The following SYNDIG1L variants were observed in gnomAD, a reference collection of about 807,000 sequenced individuals.
SYNDIG1L encodes the protein synapse differentiation inducing 1 like.
Under a neutral mutation model 20.1 loss-of-function variants are expected in SYNDIG1L, and 13 were observed. The ratio of observed to expected loss-of-function variants is 0.65; its 90% confidence interval spans 0.42 to 1.03. The LOEUF (loss-of-function observed/expected upper bound fraction) is 1.03. SYNDIG1L is among the 50% of genes least tolerant of loss of function. The pLI is 0.00. For missense variants in SYNDIG1L, 294 were observed against 305.1 expected (o/e 0.96, Z 0.27); for synonymous variants, 128 against 129.3 (o/e 0.99, Z 0.07).
At position 74,406,130 on chromosome 14, in the gene SYNDIG1L, A is replaced by G; in HGVS notation, c.*1405T>C. 2.5e-6 allele frequency: 1 copy of G among 398,890 alleles called. No homozygotes were observed. Among genetic ancestry groups the G allele is most frequent in the Admixed American group, 4.4e-5 (1 of 22,726 alleles). The allele number at this position is 398,890 out of a possible 1,614,324, so 24.7% of individuals were successfully genotyped here. A position where few individuals can be genotyped will look rare whatever the true frequency, so the allele number is the denominator to read the frequency against. On this transcript the variant is annotated 3_prime_UTR_variant, in exon 4 of 4. Coordinates refer to ENST00000331628, the MANE Select transcript of SYNDIG1L (RefSeq NM_001105579.2). ...AGCTTGAGTCCAGACAGGCCTGCCC[A>G]CATTGGTGCTGCCCCCCGCCTACCT...
At chr14:74,431,911 C>T in the SYNDIG1L span, among the ~76,000 whole-genome samples, 23 of 152,088 alleles carry the variant, frequency 1.5e-4, no homozygotes, top group Admixed American at 1.5e-3. Flanking sequence ...TAATTTTTCT[C>T]ATGTTCCTTT....
the SYNDIG1L span, among the ~76,000 whole-genome samples, chr14:74,466,038 C>T: frequency 3.3e-5 from 5 of 152,204 alleles, no homozygotes; most frequent in Admixed American, 6.5e-5. Flanking sequence ...ATCAGAGAAG[C>T]GCAGCCTGAC....
chr14:74,473,909 C>T, the SYNDIG1L span: 35,189 of 151,992 alleles, frequency 0.23, 4,564 homozygotes, highest in African/African-American at 0.35. Flanking sequence ...TCCTGTTTTG[C>T]AGTCAAAGAA....
At chr14:74,467,751 G>C in the SYNDIG1L span, among the ~76,000 whole-genome samples, 33 of 152,316 alleles carry the variant, frequency 2.2e-4, no homozygotes, top group Admixed American at 2.1e-3. Flanking sequence ...GGGGCTGATG[G>C]GGGGTGTGAC....
At chr14:74,440,659 TGGGGGACACAGCGA>T in the SYNDIG1L span, among the ~76,000 whole-genome samples, 15 of 151,818 alleles carry the variant, frequency 9.9e-5, no homozygotes, top group African/African-American at 3.6e-4. Context: ...AACTCCAGCC[TGGGGGACACAGCGA>T]GACTCTGTCT....
chr14:74,440,181 C>G, the SYNDIG1L span, among the ~76,000 whole-genome samples: 5 of 151,606 alleles, frequency 3.3e-5, no homozygotes, highest in Non-Finnish European at 7.4e-5. Context: ...AGATTGAGAC[C>G]ATCCTGGCTA....
the SYNDIG1L span, among the ~76,000 whole-genome samples, chr14:74,461,138 A>G: frequency 3.5e-5 from 5 of 141,304 alleles, 1 homozygote; most frequent in South Asian, 1.1e-3. Flanking sequence ...CTACACAGTC[A>G]GGTTTCTCCA....
chr14:74,428,207 C>T (rs551209883), upstream of SYNDIG1L, among the ~76,000 whole-genome samples: 6 of 152,358 alleles, frequency 3.9e-5, no homozygotes, highest in South Asian at 1.0e-3. Flanking sequence ...AATTCAATAG[C>T]TCTGAAGAAA....
At chr14:74,413,581 C>CTT (rs2086150075) in intron 1 of SYNDIG1L, among the ~76,000 whole-genome samples, 1 of 41,512 alleles carries the variant, frequency 2.4e-5, no homozygotes, top group Admixed American at 2.0e-4. Flanking sequence ...CTTTTTTATA[C>CTT]TGTTTTTTCT....
At chr14:74,423,643 C>T (rs1279292391) in intron 1 of SYNDIG1L, among the ~76,000 whole-genome samples, 1 of 152,150 alleles carries the variant, frequency 6.6e-6, no homozygotes, top group Non-Finnish European at 1.5e-5. Flanking sequence ...GGACCTGCCA[C>T]AGTTGAGGGA....
intron 1 of SYNDIG1L, among the ~76,000 whole-genome samples, chr14:74,415,746 T>C (rs892309608): frequency 6.6e-6 from 1 of 151,920 alleles, no homozygotes; most frequent in Non-Finnish European, 1.5e-5. Context: ...TTGCCATGTT[T>C]CCCAGGCTGT....
the SYNDIG1L span, among the ~76,000 whole-genome samples, chr14:74,440,370 CG>C: frequency 1.3e-5 from 2 of 152,076 alleles, no homozygotes; most frequent in Non-Finnish European, 2.9e-5. Context: ...AAAAATTAGC[CG>C]GGCGTGGTTG....
At chr14:74,456,483 T>C in the SYNDIG1L span, among the ~76,000 whole-genome samples, 1,817 of 152,118 alleles carry the variant, frequency 0.012, 29 homozygotes, top group African/African-American at 0.034. Context: ...TGAGCTGAGA[T>C]TGTGCCATTC....
the SYNDIG1L span, chr14:74,472,468 C>A: frequency 6.6e-6 from 1 of 152,218 alleles, no homozygotes; most frequent in East Asian, 1.9e-4. Flanking sequence ...ACATATAGAT[C>A]TGCTCCTTGG....
intron 1 of SYNDIG1L, among the ~76,000 whole-genome samples, chr14:74,410,206 A>G (rs2086120534): frequency 6.6e-6 from 1 of 152,230 alleles, no homozygotes; most frequent in Admixed American, 6.5e-5. Context: ...TCTGCCCTGA[A>G]GAAGTACAGC....
the SYNDIG1L span, among the ~76,000 whole-genome samples, chr14:74,468,980 C>T: frequency 6.6e-6 from 1 of 152,158 alleles, no homozygotes; most frequent in African/African-American, 2.4e-5. Flanking sequence ...GGTATCTCTG[C>T]AGTGTGAAGT....
chr14:74,458,621 CAAA>C, the SYNDIG1L span, among the ~76,000 whole-genome samples: 4 of 79,808 alleles, frequency 5.0e-5, no homozygotes, highest in African/African-American at 4.6e-5. Flanking sequence ...GACTCCATCT[CAAA>C]AAAAAAAAAA....
At chr14:74,421,062 G>A (rs2086217151) in intron 1 of SYNDIG1L, among the ~76,000 whole-genome samples, 2 of 152,006 alleles carry the variant, frequency 1.3e-5, no homozygotes, top group Non-Finnish European at 2.9e-5. Flanking sequence ...TAGAACAAAT[G>A]ACCCAATAAG....
chr14:74,410,589 C>T (rs1284409433), intron 1 of SYNDIG1L, among the ~76,000 whole-genome samples: 3 of 151,870 alleles, frequency 2.0e-5, no homozygotes, highest in East Asian at 1.9e-4. Flanking sequence ...TGCAGGCTAG[C>T]GAAGATAACT....
Sources: allele counts gnomAD v4.1 joint callset (sites outside exome capture counted in the v4.1 genomes callset), GRCh38; gene constraint gnomAD v4.1.1; transcripts MANE v1.5; gene names NCBI Gene and HGNC (gene_info 2026-07-23, HGNC 2026-07-21).